RNLS: variants seen among roughly 807,000 people sequenced by gnomAD.
RNLS encodes the protein renalase, FAD dependent amine oxidase, also known as renalase.
A neutral mutation model predicts 39.8 loss-of-function variants in RNLS; 39 were observed. That is an observed-to-expected ratio of 0.98 (90% CI 0.76 to 1.28). The LOEUF is 1.28. Among genes scored for constraint, RNLS ranks in the 50% most tolerant of loss-of-function variants. RNLS has a pLI of 0.00. For missense variants in RNLS, 410 were observed against 413.3 expected (o/e 0.99, Z 0.07); for synonymous variants, 147 against 150.7 (o/e 0.98, Z 0.18).
chr10:88,563,455 AAAT>A (rs889622918), intron 4 of RNLS, among the ~76,000 whole-genome samples: 2 of 152,176 alleles, frequency 1.3e-5, no homozygotes, highest in Non-Finnish European at 2.9e-5. Flanking sequence ...TACACAGTAA[AAAT>A]AATGATGCAC....
At chr10:88,417,513 C>T (rs554216372) in intron 4 of RNLS, among the ~76,000 whole-genome samples, 2 of 152,104 alleles carry the variant, frequency 1.3e-5, no homozygotes, top group Non-Finnish European at 2.9e-5. Flanking sequence ...GTTAATTTGA[C>T]AGGCAAATTA....
intron 4 of RNLS, among the ~76,000 whole-genome samples, chr10:88,418,857 A>G (rs1854202617): frequency 6.6e-6 from 1 of 152,202 alleles, no homozygotes; most frequent in Admixed American, 6.5e-5. Flanking sequence ...GGAGTTTTCT[A>G]TTACAGCAGA....
At chr10:88,569,152 T>C (rs888669886) in intron 4 of RNLS, among the ~76,000 whole-genome samples, 1 of 152,226 alleles carries the variant, frequency 6.6e-6, no homozygotes, top group Non-Finnish European at 1.5e-5. Context: ...TGGGAATAGC[T>C]ATTACCAAGC....
At chr10:88,570,257 C>T (rs765934597) in intron 4 of RNLS, among the ~76,000 whole-genome samples, 1 of 152,086 alleles carries the variant, frequency 6.6e-6, no homozygotes, top group Non-Finnish European at 1.5e-5. Context: ...GGTCCATTGT[C>T]AATATAGAGT....
chr10:88,542,706 G>A (rs945175803), intron 4 of RNLS, among the ~76,000 whole-genome samples: 15 of 152,106 alleles, frequency 9.9e-5, no homozygotes, highest in South Asian at 2.1e-4. Context: ...CAAGGCTGCC[G>A]AACTGCCAGG....
At chr10:88,240,406 C>CT in the RNLS span, among the ~76,000 whole-genome samples, 30,754 of 108,544 alleles carry the variant, frequency 0.28, 3,289 homozygotes, top group East Asian at 0.44. Flanking sequence ...GCAAAAAGTC[C>CT]TTTTTTTAAA....
chr10:88,396,752 C>A lies in RNLS; in HGVS notation c.527-34027G>T, dbSNP rs1852584389. Among the ~76,000 whole-genome samples the A allele has an allele frequency of 2.0e-5, 3 of 147,318 alleles. No individual in the cohort carries two copies. The South Asian group carries it at 6.3e-4, about 31-fold the overall frequency. ...AACTCTATGCTCTCTATAAGAGGTG[C>A]ACTTTAGATCCTAGGTTGAAGGTAA... is the stretch of plus-strand genomic sequence containing the variant. On this transcript the variant is annotated intron_variant, in intron 4 of 6. Coordinates refer to ENST00000331772, the MANE Select transcript of RNLS (RefSeq NM_001031709.3).
rs377056540 is a variant in RNLS at position 88,494,286 on chromosome 10, T to G, written c.526+78617A>C. 3.7e-4 allele frequency among the ~76,000 whole-genome samples: 56 copies of G among 152,242 alleles called. No individual in the cohort carries two copies. The South Asian group carries it at 0.011, about 30-fold the overall frequency. On this transcript the variant is annotated intron_variant, in intron 4 of 6. Transcript: ENST00000331772. Reference sequence around the variant, plus strand: ...ATGAAAAAGCTTAGTGGCTTTCACTTCCTTAATAATCAGCATATAAATGGA... The same window carrying G: ...ATGAAAAAGCTTAGTGGCTTTCACTGCCTTAATAATCAGCATATAAATGGA...
chr10:88,533,010 T>G (rs559595867), intron 4 of RNLS, among the ~76,000 whole-genome samples: 181 of 152,232 alleles, frequency 1.2e-3, no homozygotes, highest in African/African-American at 4.1e-3. Context: ...ATCATGTTAT[T>G]GAATTATTCT....
At chr10:88,547,584 C>G (rs182925671) in intron 4 of RNLS, among the ~76,000 whole-genome samples, 1 of 151,940 alleles carries the variant, frequency 6.6e-6, no homozygotes, top group Non-Finnish European at 1.5e-5. Context: ...AAGGGACAAA[C>G]CTTTTTCTCT....
chr10:88,544,254 T>C (rs1848182957), intron 4 of RNLS, among the ~76,000 whole-genome samples: 1 of 152,198 alleles, frequency 6.6e-6, no homozygotes, highest in Admixed American at 6.5e-5. Context: ...AGAGAATTTC[T>C]CTACATACTT....
At chr10:88,566,885 T>G (rs1370628410) in intron 4 of RNLS, among the ~76,000 whole-genome samples, 1 of 151,772 alleles carries the variant, frequency 6.6e-6, no homozygotes. Context: ...CCATGAAAAA[T>G]GAACACAAAA....
chr10:88,324,753 C>T (rs1209971019), intron 5 of RNLS, among the ~76,000 whole-genome samples: 2 of 152,168 alleles, frequency 1.3e-5, no homozygotes, highest in African/African-American at 4.8e-5. Flanking sequence ...ATCTCCTAAA[C>T]TTTTTCATCT....
the RNLS span, among the ~76,000 whole-genome samples, chr10:88,242,691 C>T: frequency 6.6e-6 from 1 of 152,166 alleles, no homozygotes; most frequent in Non-Finnish European, 1.5e-5. Flanking sequence ...TGGCTTATGC[C>T]TGTAATCTCA....
At chr10:88,297,146 TG>T (rs1387489559) in intron 6 of RNLS, among the ~76,000 whole-genome samples, 2 of 152,146 alleles carry the variant, frequency 1.3e-5, no homozygotes, top group Non-Finnish European at 2.9e-5. Flanking sequence ...TCATTGTTCT[TG>T]GGTAAATCTC....
intron 4 of RNLS, among the ~76,000 whole-genome samples, chr10:88,453,658 T>C (rs1349334008): frequency 1.3e-5 from 2 of 152,202 alleles, no homozygotes; most frequent in Admixed American, 6.5e-5. Context: ...GTGGAGAAAT[T>C]TGCTCCTTAT....
intron 4 of RNLS, among the ~76,000 whole-genome samples, chr10:88,382,745 T>C (rs757496580): frequency 5.9e-5 from 9 of 152,164 alleles, no homozygotes; most frequent in African/African-American, 1.9e-4. Context: ...TTGACAGATA[T>C]AGCTGATACC....
the RNLS span, among the ~76,000 whole-genome samples, chr10:88,174,062 G>A: frequency 4.0e-5 from 6 of 151,132 alleles, no homozygotes; most frequent in Non-Finnish European, 8.9e-5. Context: ...GTTCATTATT[G>A]GTATTAGAAG....
rs578026028 is a variant in RNLS, at chr10:88,489,860, C to T, written c.526+83043G>A. Among the ~76,000 whole-genome samples the T allele has an allele frequency of 1.4e-4, 22 of 152,212 alleles. No individual in the cohort carries two copies. The East Asian group carries it at 1.5e-3, about 11-fold the overall frequency. On this transcript the variant is annotated intron_variant, in intron 4 of 6. Coordinates refer to ENST00000331772, the MANE Select transcript of RNLS (RefSeq NM_001031709.3). ...GGCTGTAATTTTTTGTGAGGCAAGA[C>T]GGAAAATTCAAAAGTCTGGCCTTGA... is the stretch of plus-strand genomic sequence containing the variant.
Sources: gnomAD v4.1 joint callset for allele counts (sites outside exome capture counted in the v4.1 genomes callset) on GRCh38, gnomAD v4.1.1 for gene constraint, MANE v1.5 for transcripts, NCBI Gene and HGNC (gene_info 2026-07-23, HGNC 2026-07-21) for gene names.